Variants in UBE2H observed in about 807,000 individuals in gnomAD.
UBE2H encodes the protein ubiquitin conjugating enzyme E2 H, also known as ubiquitin-conjugating enzyme E2 H.
Under a neutral mutation model 29.0 loss-of-function variants are expected in UBE2H, and 3 were observed. That is an observed-to-expected ratio of 0.10 (90% CI 0.05 to 0.27). The LOEUF (loss-of-function observed/expected upper bound fraction) is 0.27. Ranked by LOEUF, UBE2H falls within the 10% of genes least tolerant of loss-of-function variation. The pLI, the probability that UBE2H is intolerant of heterozygous loss-of-function variation, is 1.00. For synonymous variants in UBE2H, 69 were observed against 82.9 expected (o/e 0.83, Z 0.91); for missense variants, 68 against 228.2 (o/e 0.30, Z 4.52).
At chr7:129,849,537 C>A (rs1290364558) in intron 5 of UBE2H, among the ~76,000 whole-genome samples, 1 of 152,064 alleles carries the variant, frequency 6.6e-6, no homozygotes, top group African/African-American at 2.4e-5. Context: ...AAGATTGCAC[C>A]ACTGCACTCC....
chr7:129,887,218 C>CTTTTTTT (rs58727788), intron 1 of UBE2H, among the ~76,000 whole-genome samples: 1 of 103,974 alleles, frequency 9.6e-6, no homozygotes, highest in Non-Finnish European at 2.0e-5. Context: ...CTCTCTTGAA[C>CTTTTTTT]TTTTTTTTTT....
At position 129,938,840 on chromosome 7, in the gene UBE2H, C is replaced by A. The variant is rs1031563916; in HGVS notation, c.53+13663G>T. 2.3e-4 allele frequency among the ~76,000 whole-genome samples: 35 copies of A among 151,504 alleles called. 1 individual carries two copies. The highest frequency in any genetic ancestry group is 2.9e-5 in the Non-Finnish European group (2 of 67,960). ...TTTGAGACAGAGTCTCAGTCTGTCA[C>A]CAGGCTGGAGTGCAGTGATGCGATC... On this transcript the variant is annotated intron_variant, in intron 1 of 6. Coordinates refer to ENST00000355621, the MANE Select transcript of UBE2H (RefSeq NM_003344.4).
chr7:129,857,823 C>A (rs1805733270), intron 4 of UBE2H, among the ~76,000 whole-genome samples: 1 of 152,154 alleles, frequency 6.6e-6, no homozygotes, highest in Non-Finnish European at 1.5e-5. Flanking sequence ...ACACAAGGGG[C>A]AGACAGACCT....
At chr7:129,904,983 C>T (rs775749752) in intron 1 of UBE2H, among the ~76,000 whole-genome samples, 1 of 151,884 alleles carries the variant, frequency 6.6e-6, no homozygotes, top group Non-Finnish European at 1.5e-5. Context: ...ATGGCAGCTA[C>T]AGTGAAGTTT....
intron 5 of UBE2H, among the ~76,000 whole-genome samples, chr7:129,849,176 C>A (rs1171643124): frequency 1.3e-5 from 2 of 151,750 alleles, no homozygotes; most frequent in Non-Finnish European, 2.9e-5. Flanking sequence ...AACAGAGGGC[C>A]CTAAAAGATG....
chr7:129,888,893 GAGT>G, intron 1 of UBE2H, among the ~76,000 whole-genome samples: 1 of 152,338 alleles, frequency 6.6e-6, no homozygotes, highest in East Asian at 1.9e-4. Flanking sequence ...CTATAGCTTA[GAGT>G]AGGAGAGATT....
chr7:129,917,426 G>A (rs1807066985), intron 1 of UBE2H, among the ~76,000 whole-genome samples: 2 of 152,160 alleles, frequency 1.3e-5, no homozygotes, highest in African/African-American at 2.4e-5. Context: ...TTCTCCATCA[G>A]CTAAACTGTG....
intron 1 of UBE2H, among the ~76,000 whole-genome samples, chr7:129,937,916 C>T (rs1186107141): frequency 1.3e-5 from 2 of 152,182 alleles, no homozygotes; most frequent in East Asian, 1.9e-4. Flanking sequence ...AAGATGAGTG[C>T]TTTTATCCTC....
At chr7:129,944,748 A>ACACACACACACACG (rs34490269) in intron 1 of UBE2H, among the ~76,000 whole-genome samples, 37 of 140,154 alleles carry the variant, frequency 2.6e-4, no homozygotes, top group African/African-American at 7.5e-4. Flanking sequence ...ACACACACAC[A>ACACACACACACACG]CACGCACGCA....
At chr7:129,886,767 TAAAAAAAAAAAAAAAA>T (rs79067201) in intron 1 of UBE2H, among the ~76,000 whole-genome samples, 2 of 72,066 alleles carry the variant, frequency 2.8e-5, no homozygotes, top group African/African-American at 1.1e-4. Context: ...TGTTTTTTGG[TAAAAAAAAAAAAAAAA>T]AAAAAAAAAA....
At chr7:129,910,833 G>A (rs1293646507) in intron 1 of UBE2H, among the ~76,000 whole-genome samples, 1 of 152,146 alleles carries the variant, frequency 6.6e-6, no homozygotes, top group Non-Finnish European at 1.5e-5. Flanking sequence ...AGTGAGCAGA[G>A]AGCACACCAC....
chr7:129,839,365 G>T (rs749127838), intron 5 of UBE2H, 30 bp from the exon 6 acceptor site: 9 of 1,609,578 alleles, frequency 5.6e-6, no homozygotes, highest in Non-Finnish European at 7.6e-6. Context: ...TGTCACACAT[G>T]GGAAATGCAA....
rs766671639 is a variant in UBE2H at position 129,952,474 on chromosome 7, C to A, written c.53+29G>T. ...GCATCCCCACACCGCCCCCCACACA[C>A]AGCCCGAATTCCCCTCCACGAAGGA... On this transcript the variant is annotated intron_variant, in intron 1 of 6. Coordinates refer to ENST00000355621, the MANE Select transcript of UBE2H (RefSeq NM_003344.4). 1.9e-6 allele frequency: 3 copies of A among 1,610,492 alleles called. No homozygotes were observed. The South Asian group carries it at 3.3e-5, about 18-fold the overall frequency.
chr7:129,952,761 C>T lies in UBE2H; in HGVS notation c.-206G>A, dbSNP rs1385284751. The stretch of plus-strand genomic sequence containing the variant: ...CCGGGTGGGGGTGGGGACCCTGCGG[C>T]GCCCGGCTCGGGCTGCCCCTCTCCG... On this transcript the variant is annotated 5_prime_UTR_variant, in exon 1 of 7. Transcript: ENST00000355621. 9.6e-5 allele frequency: 38 copies of T among 397,274 alleles called. No homozygotes were observed. Among genetic ancestry groups the T allele is most frequent in the Non-Finnish European group, 1.4e-4 (34 of 238,790 alleles). 24.6% of individuals were successfully genotyped at this position (397,274 alleles called of 1,614,324 possible).
At chr7:129,876,502 A>T (rs1413691934) in intron 3 of UBE2H, among the ~76,000 whole-genome samples, 1 of 152,208 alleles carries the variant, frequency 6.6e-6, no homozygotes, top group East Asian at 1.9e-4. Flanking sequence ...GCAAATATTC[A>T]GCGATGTTAT....
chr7:129,907,391 A>G (rs1228736248), intron 1 of UBE2H, among the ~76,000 whole-genome samples: 1 of 152,024 alleles, frequency 6.6e-6, no homozygotes, highest in Non-Finnish European at 1.5e-5. Flanking sequence ...AAGAAGGAAT[A>G]TGATGTCCAA....
chr7:129,858,833 A>G, intron 4 of UBE2H, 69 bp downstream of exon 4: 1 of 1,460,432 alleles, frequency 6.8e-7, no homozygotes, highest in Non-Finnish European at 9.5e-7. Context: ...GAGGCTTTTT[A>G]TAACACAGAG....
At chr7:129,888,159 T>A (rs1254955329) in intron 1 of UBE2H, among the ~76,000 whole-genome samples, 8 of 152,036 alleles carry the variant, frequency 5.3e-5, no homozygotes, top group African/African-American at 1.5e-4. Flanking sequence ...GCTGAAAAAA[T>A]TTTTAAGGGT....
At chr7:129,889,224 G>A (rs1806425302) in intron 1 of UBE2H, among the ~76,000 whole-genome samples, 1 of 152,222 alleles carries the variant, frequency 6.6e-6, no homozygotes, top group South Asian at 2.1e-4. Flanking sequence ...CAACTGTGGT[G>A]TGTAGGACTG....
Sources: allele counts gnomAD v4.1 joint callset (sites outside exome capture counted in the v4.1 genomes callset), GRCh38; gene constraint gnomAD v4.1.1; transcripts MANE v1.5; gene names NCBI Gene and HGNC (gene_info 2026-07-23, HGNC 2026-07-21).